Variants in RAB38 observed in about 807,000 individuals in gnomAD.
The protein encoded by RAB38 is ras-related protein Rab-38.
Under a neutral mutation model 18.4 loss-of-function variants are expected in RAB38, and 15 were observed. The observed-to-expected ratio is 0.82, with a 90% CI of 0.55 to 1.26. RAB38 has a LOEUF of 1.26. Among genes scored for constraint, RAB38 ranks in the 50% most tolerant of loss-of-function variants. The pLI is 0.00. For missense variants in RAB38, 294 were observed against 267.4 expected, an observed-to-expected ratio of 1.10 and a Z score of -0.69; for synonymous variants, 101 against 104.4, an observed-to-expected ratio of 0.97 and a Z score of 0.20.
chr11:88,146,474 G>T (rs957689655), intron 2 of RAB38, among the ~76,000 whole-genome samples: 75 of 152,284 alleles, frequency 4.9e-4, no homozygotes, highest in African/African-American at 1.8e-3. Flanking sequence ...GATACCTATG[G>T]GAAATGTTCT....
the RAB38 span, among the ~76,000 whole-genome samples, chr11:88,103,776 G>A: frequency 6.6e-6 from 1 of 152,042 alleles, no homozygotes; most frequent in South Asian, 2.1e-4. Context: ...TTTCTCCTTT[G>A]CCAGTAGGCA....
At chr11:88,159,424 C>T (rs1943163186) in intron 1 of RAB38, among the ~76,000 whole-genome samples, 1 of 151,458 alleles carries the variant, frequency 6.6e-6, no homozygotes, top group African/African-American at 2.4e-5. Flanking sequence ...AAAATCTACA[C>T]ATCCAATGCC....
At chr11:88,137,728 A>C (rs2134806215) in intron 2 of RAB38, among the ~76,000 whole-genome samples, 1 of 152,274 alleles carries the variant, frequency 6.6e-6, no homozygotes, top group Non-Finnish European at 1.5e-5. Flanking sequence ...AAATGAACAA[A>C]GGTTTATATA....
intron 1 of RAB38, among the ~76,000 whole-genome samples, chr11:88,155,222 C>T (rs1414692457): frequency 6.6e-6 from 1 of 152,204 alleles, no homozygotes; most frequent in Non-Finnish European, 1.5e-5. Flanking sequence ...GACCCCAATC[C>T]CCTTGGCTAA....
chr11:87,806,926 T>A, the RAB38 span, among the ~76,000 whole-genome samples: 1 of 152,324 alleles, frequency 6.6e-6, no homozygotes. Context: ...AATGAAATTC[T>A]GGATCTGGAC....
the RAB38 span, among the ~76,000 whole-genome samples, chr11:87,806,394 G>C: frequency 1.3e-5 from 2 of 152,080 alleles, no homozygotes; most frequent in Non-Finnish European, 2.9e-5. Flanking sequence ...CGATGAAAGA[G>C]CTCCCTGAGG....
At chr11:87,822,594 A>G in the RAB38 span, among the ~76,000 whole-genome samples, 10 of 152,348 alleles carry the variant, frequency 6.6e-5, no homozygotes, top group East Asian at 1.9e-4. Flanking sequence ...TCACAGTGCT[A>G]TCTTACCATA....
intron 2 of RAB38, among the ~76,000 whole-genome samples, chr11:88,132,800 T>C (rs1942781736): frequency 6.6e-6 from 1 of 152,144 alleles, no homozygotes; most frequent in African/African-American, 2.4e-5. Flanking sequence ...AGATTAAAAA[T>C]GAAATTGGAA....
intron 1 of RAB38, among the ~76,000 whole-genome samples, chr11:88,168,574 C>T (rs777933320): frequency 1.8e-4 from 27 of 152,094 alleles, no homozygotes; most frequent in Middle Eastern, 3.2e-3. Context: ...CAACCTATTC[C>T]GATCACCCCT....
the RAB38 span, among the ~76,000 whole-genome samples, chr11:88,096,769 AG>A: frequency 6.6e-6 from 1 of 151,858 alleles, no homozygotes; most frequent in Non-Finnish European, 1.5e-5. Flanking sequence ...ATTTGTGGTA[AG>A]AATGCATATA....
chr11:87,947,108 T>C, the RAB38 span, among the ~76,000 whole-genome samples: 3 of 152,178 alleles, frequency 2.0e-5, no homozygotes, highest in African/African-American at 4.8e-5. Flanking sequence ...TGGTATCTCA[T>C]TGTGGTTTTG....
chr11:88,150,090 G>C, intron 1 of RAB38, 135 bp from the exon 2 acceptor site: 3 of 914,672 alleles, frequency 3.3e-6, no homozygotes, highest in South Asian at 3.4e-5. Context: ...TTTAAAGAGC[G>C]AACTAAATAT....
chr11:87,872,095 G>C, the RAB38 span, among the ~76,000 whole-genome samples: 6 of 151,536 alleles, frequency 4.0e-5, no homozygotes. Context: ...TCTACCAACA[G>C]TATCTGAGAG....
At chr11:88,172,015 C>T (rs79485774) in intron 1 of RAB38, among the ~76,000 whole-genome samples, 42 of 152,296 alleles carry the variant, frequency 2.8e-4, no homozygotes, top group Non-Finnish European at 5.7e-4. Context: ...TTTAACCCAC[C>T]TACTAATGAA....
At chr11:87,835,419 T>C in the RAB38 span, among the ~76,000 whole-genome samples, 1 of 152,112 alleles carries the variant, frequency 6.6e-6, no homozygotes, top group Non-Finnish European at 1.5e-5. Flanking sequence ...CTCTATTTCT[T>C]TTTTCTCCAT....
chr11:88,157,433 T>C (rs1943139917), intron 1 of RAB38, among the ~76,000 whole-genome samples: 2 of 152,068 alleles, frequency 1.3e-5, no homozygotes, highest in African/African-American at 4.8e-5. Flanking sequence ...ATCAGACAAA[T>C]GAGCAAGGCA....
Position 88,149,968 on chromosome 11 carries a change from A to G in RAB38, c.203-13T>C, listed in dbSNP as rs757725742. On this transcript the variant is annotated splice_polypyrimidine_tract_variant and intron_variant, in intron 1 of 2. Transcript: ENST00000243662. ...AATCTTTCTTGACCTGACACCAAAA[A>G]GAAATAAAAATAAAAATGTATTAAA... 3 of 1,591,324 alleles carry G rather than the reference A, an allele frequency of 1.9e-6. No individual in the cohort carries two copies. Among genetic ancestry groups the G allele is most frequent in the South Asian group, 2.3e-5 (2 of 87,672 alleles).
chr11:88,049,983 C>T, the RAB38 span: 1 of 152,168 alleles, frequency 6.6e-6, no homozygotes, highest in Non-Finnish European at 1.5e-5. Flanking sequence ...CTGCGTTTTA[C>T]AACCTTCCAT....
intron 2 of RAB38, among the ~76,000 whole-genome samples, chr11:88,122,653 CA>C (rs1243553972): frequency 1.3e-5 from 2 of 152,204 alleles, no homozygotes; most frequent in African/African-American, 4.8e-5. Context: ...CTCTGTCTTA[CA>C]GATGAGGAGA....
Sources: allele counts gnomAD v4.1 joint callset (sites outside exome capture counted in the v4.1 genomes callset), GRCh38; gene constraint gnomAD v4.1.1; transcripts MANE v1.5; gene names NCBI Gene and HGNC (gene_info 2026-07-23, HGNC 2026-07-21).